EIF4G1: variants seen among roughly 807,000 people sequenced by gnomAD.
The protein encoded by EIF4G1 is eukaryotic translation initiation factor 4 gamma 1.
Under a neutral mutation model 187.8 loss-of-function variants are expected in EIF4G1, and 4 were observed. The observed-to-expected ratio is 0.02, with a 90% CI of 0.01 to 0.05. The LOEUF is 0.05. Ranked by LOEUF, EIF4G1 falls within the 10% of genes least tolerant of loss-of-function variation. The pLI, the probability that EIF4G1 is intolerant of heterozygous loss-of-function variation, is 1.00. For synonymous variants in EIF4G1, 844 were observed against 781.4 expected (o/e 1.08, Z -1.34); for missense variants, 1,647 against 2,081.1 (o/e 0.79, Z 4.06).
At chr3:184,327,532 C>A in intron 24 of EIF4G1, 54 bp from the exon 25 acceptor site, 1 of 1,612,912 alleles carries the variant, frequency 6.2e-7, no homozygotes, top group Non-Finnish European at 8.5e-7. Flanking sequence ...AGCTCCAAAT[C>A]TTGTTTGCTG....
At position 184,334,884 on chromosome 3, in the gene EIF4G1, AGAG is replaced by A. The variant is rs1726842349; in HGVS notation, c.4783_4785del (p.Glu1595del). 6.2e-7 allele frequency: 1 copy of A among 1,614,064 alleles called. No homozygotes were observed. Among genetic ancestry groups the A allele is most frequent in the African/African-American group, 1.3e-5 (1 of 74,938 alleles). The stretch of plus-strand genomic sequence containing the variant: ...CCTTCTTCAAGTGGCTCCGTGAAGC[AGAG>A]GAGGAGTCTGACCACAACTGAGGGC... On this transcript the variant is annotated inframe_deletion, in exon 33 of 33. Transcript: ENST00000346169. The surrounding 1 kb of genome is among the most constrained non-coding windows in gnomAD (Gnocchi z 5.8).
rs769106098 is a variant in EIF4G1 at position 184,331,415 on chromosome 3, C to A, written c.4260+51C>A. The A allele has an allele frequency of 5.6e-6, 9 of 1,614,182 alleles. No individual in the cohort carries two copies. The East Asian group carries it at 2.0e-4, about 36-fold the overall frequency. ...CTAGCATTTGAGGCTGGCCAGTCTT[C>A]TTTCTTGTCTCCTGTTGGCAACCTT... On this transcript the variant is annotated intron_variant, in intron 29 of 32. Coordinates refer to ENST00000346169, the MANE Select transcript of EIF4G1 (RefSeq NM_198241.3).
intron 28 of EIF4G1, 102 bp downstream of exon 28, chr3:184,329,092 G>C (rs1725525364): frequency 7.3e-7 from 1 of 1,366,436 alleles, no homozygotes; most frequent in African/African-American, 1.4e-5. Context: ...TGGAGTGATG[G>C]TGATGACAGG....
intron 8 of EIF4G1, 45 bp from the exon 9 acceptor site, chr3:184,320,882 G>T: frequency 5.0e-6 from 8 of 1,612,910 alleles, no homozygotes; most frequent in Non-Finnish European, 6.8e-6. Flanking sequence ...AAGAAGGGTT[G>T]TGGGACTCTT....
intron 7 of EIF4G1, chr3:184,320,273 C>T (rs761403849): frequency 6.4e-5 from 79 of 1,239,410 alleles, no homozygotes; most frequent in Non-Finnish European, 7.2e-5. Context: ...GCCCTGCCCC[C>T]AGAGATCAGG....
intron 4 of EIF4G1, chr3:184,316,592 G>A: frequency 1.0e-6 from 1 of 978,012 alleles, no homozygotes; most frequent in South Asian, 1.6e-5. Flanking sequence ...GCCTTTCTCT[G>A]TTCCCCAGCT....
In EIF4G1 at chr3:184,325,810, G is replaced by A; in HGVS notation, c.3122-41G>A. On this transcript the variant is annotated intron_variant, in intron 20 of 32. Transcript: ENST00000346169. The surrounding 1 kb of genome is among the most constrained non-coding windows in gnomAD (Gnocchi z 5.2). Reference sequence around the variant, plus strand: ...TGGCCCAAGGGGAAGGGGCTGCTAGGATTTATTCATTATTCCAGTATGCCC... The same window carrying A: ...TGGCCCAAGGGGAAGGGGCTGCTAGAATTTATTCATTATTCCAGTATGCCC... 2.5e-6 allele frequency: 4 copies of A among 1,613,904 alleles called. No homozygotes were observed. The highest frequency in any genetic ancestry group is 3.4e-6 in the Non-Finnish European group (4 of 1,179,768).
At chr3:184,331,130 A>C in intron 28 of EIF4G1, 136 bp from the exon 29 acceptor site, 1 of 944,830 alleles carries the variant, frequency 1.1e-6, no homozygotes, top group Non-Finnish European at 1.7e-6. Context: ...GCCTATTAGT[A>C]TTTCTATAGC....
Position 184,321,000 on chromosome 3 carries a change from A to C in EIF4G1, c.697+7A>C. 6.2e-7 allele frequency: 1 copy of C among 1,613,640 alleles called. No homozygotes were observed. The highest frequency in any genetic ancestry group is 8.5e-7 in the Non-Finnish European group (1 of 1,179,936). ...GCTGTCATTGTCCGGCCAGGTAAGT[A>C]AGCCGGTGGGACGGAGCTTTTATGG... On this transcript the variant is annotated splice_region_variant and intron_variant, in intron 9 of 32. Transcript: ENST00000346169.
chr3:184,335,115 C>T lies in EIF4G1; in HGVS notation c.*207C>T. On this transcript the variant is annotated 3_prime_UTR_variant, in exon 33 of 33. Transcript: ENST00000346169. The stretch of plus-strand genomic sequence containing the variant: ...ATGCCGCCAGGTGTCCCTCTCCTCC[C>T]CCTGGGGCACAGAGATATATTATAT... 1.6e-6 allele frequency: 1 copy of T among 623,878 alleles called. No individual in the cohort carries two copies. Among genetic ancestry groups the T allele is most frequent in the South Asian group, 1.9e-5 (1 of 53,664 alleles). The allele number at this position is 623,878 out of a possible 1,614,324, so 38.6% of individuals were successfully genotyped here.
intron 8 of EIF4G1, 72 bp downstream of exon 8, chr3:184,320,794 C>G (rs1723762523): frequency 6.2e-7 from 1 of 1,610,600 alleles, no homozygotes; most frequent in Non-Finnish European, 8.5e-7. Flanking sequence ...GTCCCTGGAT[C>G]TTTTCTTTCA....
At chr3:184,326,490 G>T in intron 21 of EIF4G1, 37 bp from the exon 22 acceptor site, 2 of 1,611,782 alleles carry the variant, frequency 1.2e-6, no homozygotes, top group Non-Finnish European at 1.7e-6. Context: ...ACTCAGCCGG[G>T]TTGGACCTAT....
Position 184,321,283 on chromosome 3 carries a change from T to G in EIF4G1, c.699T>G (p.Asp233Glu), listed in dbSNP as rs1282415952. The G allele has an allele frequency of 1.2e-6, 2 of 1,614,124 alleles. No individual in the cohort carries two copies. The highest frequency in any genetic ancestry group is 2.2e-5 in the South Asian group (2 of 91,088). ...TCATTCTTCCTTCCTATGGTGCAGA[T>G]GACCGGTCACAGGGAGCAATCATTG... is the stretch of plus-strand genomic sequence containing the variant. ...TPQVAVIVRP[D>E]DRSQGAIIAD... is the part of the protein sequence containing the mutation. Residue 233 changes from aspartate (D) to glutamate (E), a missense_variant and splice_region_variant, in exon 10 of 33, where the codon GAT becomes GAG. Around this residue, in one of 11 missense-constraint regions of EIF4G1, gnomAD observed 522 missense variants for 485.2 expected, o/e 1.08. Coordinates refer to ENST00000346169, the MANE Select transcript of EIF4G1 (RefSeq NM_198241.3).
In EIF4G1 at chr3:184,327,694, A is replaced by G. The variant is rs73053766; in HGVS notation, c.3770A>G (p.Asn1257Ser). 234 of 1,614,110 alleles carry G rather than the reference A, an allele frequency of 1.4e-4. No individual in the cohort carries two copies. The African/African-American group carries it at 2.5e-3, about 17-fold the overall frequency. The change falls in exon 25 of 33, where the codon AAT (asparagine) becomes AGT (serine). Residue 1257 changes from asparagine (N) to serine (S), a missense_variant. By Grantham distance (46) the Asn-to-Ser change is conservative. Coordinates refer to ENST00000346169, the MANE Select transcript of EIF4G1 (RefSeq NM_198241.3). ...KAIIEEYLHL[N>S]DMKEAVQCVQ... ...ATCATTGAGGAATATCTCCATCTCA[A>G]TGACATGAAAGTAGGCAGTGGGAGC...
At chr3:184,316,567 C>G in intron 4 of EIF4G1, 1 of 786,684 alleles carries the variant, frequency 1.3e-6, no homozygotes, top group Non-Finnish European at 2.0e-6. Context: ...GAGGTAAACA[C>G]TCCAGCTGGT....
intron 1 of EIF4G1, 42 bp downstream of exon 1, chr3:184,314,716 C>T (rs1356162349): frequency 6.7e-6 from 1 of 149,142 alleles, no homozygotes; most frequent in Admixed American, 6.6e-5. Context: ...CCCCCCACCC[C>T]CTCCCCCCGC....
chr3:184,334,947 A>G lies in EIF4G1; in HGVS notation c.*39A>G, dbSNP rs766391406. On this transcript the variant is annotated 3_prime_UTR_variant, in exon 33 of 33. Transcript: ENST00000346169. The surrounding 1 kb of genome is among the most constrained non-coding windows in gnomAD (Gnocchi z 5.8). ...CGGGGACCTGGAGCCCCATGGACAC[A>G]CAGATGGCCCGGCTAGCCGCCTGGA... is the stretch of plus-strand genomic sequence containing the variant. 6.2e-7 allele frequency: 1 copy of G among 1,612,264 alleles called. No individual in the cohort carries two copies. The highest frequency in any genetic ancestry group is 8.5e-7 in the Non-Finnish European group (1 of 1,179,560).
rs906667710 is a variant in EIF4G1 at position 184,320,446 on chromosome 3, G to A, written c.538-184G>A. On this transcript the variant is annotated intron_variant, in intron 7 of 32. Transcript: ENST00000346169. ...GAGATCAAGGGTCTCTTAAGGGTGG[G>A]AGCTGGGGCAGGGACTACGAGAGCA... 4 of 1,503,034 alleles carry A rather than the reference G, an allele frequency of 2.7e-6. No individual in the cohort carries two copies. In the African/African-American group the frequency reaches 5.5e-5, roughly 21 times the overall value. The allele number at this position is 1,503,034 out of a possible 1,614,324, so 93.1% of individuals were successfully genotyped here.
rs1255836038 is a variant in EIF4G1 at position 184,321,380 on chromosome 3, C to T, written c.796C>T (p.Pro266Ser). ...CCAGCCTTCGTCGCCTTCTCCGACC[C>T]CATCACCATCCCCAGTCTTGGAACC... ...ESQPSSPSPT[P>S]SPSPVLEPGS... The change falls in exon 10 of 33, where the codon CCA (proline) becomes TCA (serine). Residue 266 changes from proline (P) to serine (S), a missense_variant. Pro to Ser is a moderately conservative substitution (Grantham distance 74, BLOSUM62 -1). This residue lies in a region of EIF4G1 where 522 missense variants were observed against 485.2 expected (regional missense o/e 1.08). Coordinates refer to ENST00000346169, the MANE Select transcript of EIF4G1 (RefSeq NM_198241.3). 6.2e-7 allele frequency: 1 copy of T among 1,614,160 alleles called. No individual in the cohort carries two copies. The highest frequency in any genetic ancestry group is 2.2e-5 in the East Asian group (1 of 44,886).
Sources: gnomAD v4.1 joint callset for allele counts on GRCh38, gnomAD v4.1.1 for gene constraint, gnomAD v4.1.1 regional missense constraint, Gnocchi (gnomAD v3.1) non-coding constraint, MANE v1.5 for transcripts, NCBI Gene and HGNC (gene_info 2026-07-23, HGNC 2026-07-21) for gene names.